Variants in ZNF462 observed in about 807,000 individuals in gnomAD.
The protein encoded by ZNF462 is zinc finger protein 462, also known as zinc finger PBX1-interacting protein.
In ZNF462, 10 loss-of-function variants were observed where a neutral mutation model predicts 201.9. The ratio of observed to expected loss-of-function variants is 0.05; its 90% CI spans 0.03 to 0.08. ZNF462 has a LOEUF of 0.08. ZNF462 is among the 10% of genes least tolerant of loss of function. The pLI is 1.00. For synonymous variants in ZNF462, 1,227 were observed against 1,193.3 expected, an observed-to-expected ratio of 1.03 and a Z score of -0.58; for missense variants, 2,523 against 3,168.3, an observed-to-expected ratio of 0.80 and a Z score of 4.89.
chr9:106,878,212 A>C (rs547816217), intron 1 of ZNF462, among the ~76,000 whole-genome samples: 1 of 152,154 alleles, frequency 6.6e-6, no homozygotes, highest in Non-Finnish European at 1.5e-5. Context: ...TCTTATCTTT[A>C]AAGTGGAATT....
In ZNF462 at chr9:106,972,070, G is replaced by C; in HGVS notation, c.6493G>C (p.Ala2165Pro). 1 of 1,614,154 alleles carries C rather than the reference G, an allele frequency of 6.2e-7. No homozygotes were observed. Among genetic ancestry groups the C allele is most frequent in the Non-Finnish European group, 8.5e-7 (1 of 1,180,018 alleles). ...GAACCACTATCAGTCAGCTGCCCTGGCAAGGAACAACAGCCGTGTTAGCCC... is the reference window on the plus strand; with the variant it reads ...GAACCACTATCAGTCAGCTGCCCTGCCAAGGAACAACAGCCGTGTTAGCCC... ...QLNHYQSAAL[A>P]RNNSRVSPVP... is the part of the protein sequence containing the mutation. Residue 2165 changes from alanine to proline, a missense_variant, in exon 8 of 13, where the codon GCA becomes CCA. Physicochemically the swap from Ala to Pro is conservative, Grantham distance 27. Around this residue, in one of 15 missense-constraint regions of ZNF462, gnomAD observed 138 missense variants for 146.3 expected, o/e 0.94. Transcript: ENST00000277225. The surrounding 1 kb of genome is among the most constrained non-coding windows in gnomAD (Gnocchi z 4.8).
chr9:106,959,242 T>C (rs899728332), intron 7 of ZNF462, among the ~76,000 whole-genome samples: 2 of 152,108 alleles, frequency 1.3e-5, no homozygotes, highest in African/African-American at 4.8e-5. Context: ...CATTTGGCTG[T>C]GCCAGAACTG....
Position 106,928,859 on chromosome 9 carries a change from C to G in ZNF462, c.4947C>G (p.Phe1649Leu). The G allele has an allele frequency of 1.9e-6, 3 of 1,614,084 alleles. No individual in the cohort carries two copies. The highest frequency in any genetic ancestry group is 2.5e-6 in the Non-Finnish European group (3 of 1,180,028). The change falls in exon 3 of 13, where the codon TTC (phenylalanine) becomes TTG (leucine). Residue 1649 changes from phenylalanine to leucine, a missense_variant. Physicochemically the swap from Phe to Leu is conservative, Grantham distance 22. Around this residue, in one of 15 missense-constraint regions of ZNF462, gnomAD observed 200 missense variants for 281.3 expected, o/e 0.71. Transcript: ENST00000277225. This position sits in a 1 kb window ranked among gnomAD's most constrained non-coding sequence, Gnocchi z 9.3. ...AGGAGCCCGTGTCCACTTCTCACTTCTCTACCTCCCACCTGGTCTCCCACA... is the reference window on the plus strand; with the variant it reads ...AGGAGCCCGTGTCCACTTCTCACTTGTCTACCTCCCACCTGGTCTCCCACA... ...VGEEPVSTSH[F>L]STSHLVSHTV...
Position 106,977,862 on chromosome 9 carries a change from G to A in ZNF462, c.6832+3589G>A, listed in dbSNP as rs7848037. ...ACCAAATGTGTAGATTAAAACAATA[G>A]AAATGTATTCTCTCACAGTTCTGGA... On this transcript the variant is annotated intron_variant, in intron 9 of 12. Coordinates refer to ENST00000277225, the MANE Select transcript of ZNF462 (RefSeq NM_021224.6). This position sits in a 1 kb window ranked among gnomAD's most constrained non-coding sequence, Gnocchi z 4.6. Among the ~76,000 whole-genome samples, 14,464 of 151,482 alleles carry A rather than the reference G, an allele frequency of 0.095. 918 individuals carry two copies. The highest frequency in any genetic ancestry group is 0.2 in the East Asian group (1,024 of 5,168).
chr9:106,929,838 C>A lies in ZNF462; in HGVS notation c.5847+79C>A. ...CCACATGCACTTCTTCGTTGCCAGC[C>A]AAACTGCTGCAGGCTTCCTAGTGAC... On this transcript the variant is annotated intron_variant, in intron 3 of 12. Transcript: ENST00000277225. The surrounding 1 kb of genome is among the most constrained non-coding windows in gnomAD (Gnocchi z 8.7). The A allele has an allele frequency of 7.7e-7, 1 of 1,303,504 alleles. No homozygotes were observed. The highest frequency in any genetic ancestry group is 1.1e-6 in the Non-Finnish European group (1 of 940,116). The allele number at this position is 1,303,504 out of a possible 1,614,324, so 80.7% of individuals were successfully genotyped here.
At chr9:106,934,244 G>A (rs758252579) in intron 5 of ZNF462, among the ~76,000 whole-genome samples, 136 of 151,256 alleles carry the variant, frequency 9.0e-4, no homozygotes, top group Non-Finnish European at 1.6e-3. Context: ...TATATGTAAT[G>A]GCTGAGATTT....
At chr9:106,964,151 A>C (rs952648937) in intron 7 of ZNF462, among the ~76,000 whole-genome samples, 22 of 151,874 alleles carry the variant, frequency 1.4e-4, no homozygotes, top group African/African-American at 5.3e-4. Context: ...ATATCTCTTC[A>C]AGATCTTAAT....
At chr9:106,861,901 C>T (rs1027149436), upstream of ZNF462, among the ~76,000 whole-genome samples, 2 of 152,200 alleles carry the variant, frequency 1.3e-5, no homozygotes, top group Non-Finnish European at 2.9e-5. Context: ...TTGTTACTTT[C>T]CGAGCCTTTA....
At position 106,970,827 on chromosome 9, in the gene ZNF462, T is replaced by C. The variant is rs1588133930; in HGVS notation, c.6428-1178T>C. Among the ~76,000 whole-genome samples the C allele has an allele frequency of 3.5e-5, 5 of 143,422 alleles. No individual in the cohort carries two copies. The South Asian group carries it at 1.1e-3, about 30-fold the overall frequency. 94.1% of individuals were successfully genotyped at this position (143,422 alleles called of 152,430 possible). A position where few individuals can be genotyped will look rare whatever the true frequency, so the allele number is the denominator to read the frequency against. The stretch of plus-strand genomic sequence containing the variant: ...CCCTTTATTTATTTATTTTTACTTT[T>C]TTTTCTCTTCTTTTTTTTTAATTCA... On this transcript the variant is annotated intron_variant, in intron 7 of 12. Coordinates refer to ENST00000277225, the MANE Select transcript of ZNF462 (RefSeq NM_021224.6). This position sits in a 1 kb window ranked among gnomAD's most constrained non-coding sequence, Gnocchi z 4.2.
intron 8 of ZNF462, among the ~76,000 whole-genome samples, chr9:106,973,182 T>C (rs1826724668): frequency 1.3e-5 from 2 of 152,122 alleles, no homozygotes; most frequent in South Asian, 4.2e-4. Flanking sequence ...TATAATAATA[T>C]GACATTAGAT....
chr9:106,870,619 A>G lies in ZNF462; in HGVS notation c.-31+7264A>G, dbSNP rs957954228. 2.0e-5 allele frequency among the ~76,000 whole-genome samples: 3 copies of G among 152,260 alleles called. No individual in the cohort carries two copies. The highest frequency in any genetic ancestry group is 2.0e-4 in the Admixed American group (3 of 15,288). Reference sequence around the variant, plus strand: ...CAGGAAAAATGGAGAAAATTCTACTAGGAACCAATAGATCCTGATTAGAAT... The same window carrying G: ...CAGGAAAAATGGAGAAAATTCTACTGGGAACCAATAGATCCTGATTAGAAT... On this transcript the variant is annotated intron_variant, in intron 1 of 12. Transcript: ENST00000277225. The surrounding 1 kb of genome is among the most constrained non-coding windows in gnomAD (Gnocchi z 4.3).
intron 7 of ZNF462, among the ~76,000 whole-genome samples, chr9:106,969,119 G>C (rs1832213017): frequency 6.6e-6 from 1 of 152,122 alleles, no homozygotes; most frequent in Non-Finnish European, 1.5e-5. Flanking sequence ...GGAAAGTAAA[G>C]CCCTAAGAAA....
At position 106,930,508 on chromosome 9, in the gene ZNF462, C is replaced by A; in HGVS notation, c.5848-17C>A. 6.2e-7 allele frequency: 1 copy of A among 1,613,654 alleles called. No individual in the cohort carries two copies. The highest frequency in any genetic ancestry group is 8.5e-7 in the Non-Finnish European group (1 of 1,179,680). On this transcript the variant is annotated splice_polypyrimidine_tract_variant and intron_variant, in intron 3 of 12. Transcript: ENST00000277225. The surrounding 1 kb of genome is among the most constrained non-coding windows in gnomAD (Gnocchi z 5.8). ...GGAGGGCTCGGAGTACTGATGGCTA[C>A]CACTGTATTTTACCAGCCTTTTGGT...
At chr9:106,944,960 C>T (rs558068716) in intron 7 of ZNF462, among the ~76,000 whole-genome samples, 10 of 152,230 alleles carry the variant, frequency 6.6e-5, no homozygotes, top group Admixed American at 1.3e-4. Context: ...TGTAAACAAA[C>T]GACATGGCTG....
chr9:106,982,789 A>G (rs948975093), intron 9 of ZNF462, among the ~76,000 whole-genome samples: 4 of 152,072 alleles, frequency 2.6e-5, no homozygotes, highest in South Asian at 2.1e-4. Context: ...CTGCCCTACA[A>G]TCAGAGTGTT....
chr9:106,908,693 C>T (rs925046958), intron 1 of ZNF462, among the ~76,000 whole-genome samples: 61 of 151,204 alleles, frequency 4.0e-4, no homozygotes, highest in African/African-American at 1.2e-3. Flanking sequence ...TTTTATATTT[C>T]TGTGCAATTT....
chr9:106,888,498 T>TA (rs1350103126), intron 1 of ZNF462, among the ~76,000 whole-genome samples: 1 of 152,244 alleles, frequency 6.6e-6, no homozygotes, highest in Non-Finnish European at 1.5e-5. Flanking sequence ...AGATGAATGC[T>TA]ATTGATAACA....
chr9:106,916,992 C>T (rs1829800189), intron 1 of ZNF462, among the ~76,000 whole-genome samples: 2 of 152,216 alleles, frequency 1.3e-5, no homozygotes, highest in Admixed American at 6.5e-5. Context: ...TCTCCTTATT[C>T]AAATCACACG....
intron 10 of ZNF462, among the ~76,000 whole-genome samples, chr9:107,001,978 A>G (rs1369566155): frequency 1.3e-5 from 2 of 152,082 alleles, no homozygotes; most frequent in Non-Finnish European, 2.9e-5. Flanking sequence ...TTGTTGGGAC[A>G]TTATTCAGTC....
Sources: allele counts gnomAD v4.1 joint callset (sites outside exome capture counted in the v4.1 genomes callset), GRCh38; gene constraint gnomAD v4.1.1; regional missense constraint gnomAD v4.1.1; non-coding constraint Gnocchi (gnomAD v3.1); transcripts MANE v1.5; gene names NCBI Gene and HGNC (gene_info 2026-07-23, HGNC 2026-07-21).